The following SLC35F1 variants were observed in gnomAD, a reference collection of about 807,000 sequenced individuals.
SLC35F1 encodes chromosome 6 open reading frame 169.
A neutral mutation model predicts 48.7 loss-of-function variants in SLC35F1; 14 were observed. The ratio of observed to expected loss-of-function variants is 0.29; its 90% CI spans 0.19 to 0.45. SLC35F1 has a LOEUF of 0.45. Ranked by LOEUF, SLC35F1 falls within the 20% of genes least tolerant of loss-of-function variation. The pLI, the probability that SLC35F1 is intolerant of heterozygous loss-of-function variation, is 1.00. For missense variants in SLC35F1, 404 were observed against 500.0 expected (o/e 0.81, Z 1.83); for synonymous variants, 190 against 202.2 (o/e 0.94, Z 0.51).
rs1775707343 is a variant in SLC35F1, at chr6:117,907,710, C to G, written c.-17C>G. 6.8e-7 allele frequency: 1 copy of G among 1,469,290 alleles called. No individual in the cohort carries two copies. Among genetic ancestry groups the G allele is most frequent in the African/African-American group, 1.5e-5 (1 of 68,578 alleles). 91.0% of individuals were successfully genotyped at this position (1,469,290 alleles called of 1,614,324 possible). A position where few individuals can be genotyped will look rare whatever the true frequency, so the allele number is the denominator to read the frequency against. ...CGGCTGCGTTCTGATCGCCGCCGCGCCTCAGCCTCTGCCGCGATGATCCCC... is the reference window on the plus strand; with the variant it reads ...CGGCTGCGTTCTGATCGCCGCCGCGGCTCAGCCTCTGCCGCGATGATCCCC... On this transcript the variant is annotated 5_prime_UTR_variant, in exon 1 of 8. Transcript: ENST00000360388.
At chr6:118,123,101 C>CTT (rs10667361) in intron 1 of SLC35F1, among the ~76,000 whole-genome samples, 33,518 of 151,502 alleles carry the variant, frequency 0.22, 4,110 homozygotes, top group East Asian at 0.39. Context: ...CTCAAAAGCC[C>CTT]TTTTTTTTGT....
chr6:118,052,289 T>G (rs1369238068), intron 1 of SLC35F1, among the ~76,000 whole-genome samples: 1 of 152,132 alleles, frequency 6.6e-6, no homozygotes, highest in Admixed American at 6.5e-5. Context: ...ACATACAATC[T>G]CAAACCACTA....
intron 1 of SLC35F1, among the ~76,000 whole-genome samples, chr6:117,957,020 G>A (rs751385766): frequency 1.8e-4 from 28 of 152,256 alleles, no homozygotes; most frequent in Non-Finnish European, 2.9e-4. Flanking sequence ...CTTCCTTCCT[G>A]GCCCTGGGAG....
chr6:118,012,861 AT>A (rs2114877677), intron 1 of SLC35F1, among the ~76,000 whole-genome samples: 1 of 152,260 alleles, frequency 6.6e-6, no homozygotes, highest in East Asian at 1.9e-4. Context: ...TCCAAGCAAC[AT>A]CTTTTGCCAA....
intron 1 of SLC35F1, among the ~76,000 whole-genome samples, chr6:118,039,409 G>A (rs1428097190): frequency 1.3e-5 from 2 of 151,858 alleles, no homozygotes; most frequent in Non-Finnish European, 2.9e-5. Context: ...AATCTGAGAC[G>A]TGCTTAGCTA....
At chr6:117,966,996 G>A (rs1279617179) in intron 1 of SLC35F1, among the ~76,000 whole-genome samples, 5 of 152,060 alleles carry the variant, frequency 3.3e-5, no homozygotes, top group Non-Finnish European at 2.9e-5. Context: ...TTTTTGATTT[G>A]TTTCAGCTTG....
rs1382255248 is a variant in SLC35F1, at chr6:117,923,665, A to ATGTACATATG, written c.173+15767_173+15768insGTACATATGT. 9.3e-4 allele frequency among the ~76,000 whole-genome samples: 49 copies of ATGTACATATG among 52,626 alleles called. 9 individuals are homozygous for ATGTACATATG. Among genetic ancestry groups the ATGTACATATG allele is most frequent in the Middle Eastern group, 0.028 (1 of 36 alleles). The allele number at this position is 52,626 out of a possible 152,430, so 34.5% of individuals were successfully genotyped here. On this transcript the variant is annotated intron_variant, in intron 1 of 7. Transcript: ENST00000360388. ...TATGTACATATGTACATATGTATAT[A>ATGTACATATG]TACATATATGTACATATATACATAT... is the stretch of plus-strand genomic sequence containing the variant.
At chr6:118,264,087 A>C (rs1334940179) in intron 3 of SLC35F1, among the ~76,000 whole-genome samples, 2 of 152,234 alleles carry the variant, frequency 1.3e-5, no homozygotes, top group Admixed American at 6.5e-5. Flanking sequence ...TCAACTATTA[A>C]ATACAAGGGT....
In SLC35F1 at chr6:117,999,584, A is replaced by T. The variant is rs577012532; in HGVS notation, c.173+91685A>T. ...CTGAGGCAGGAAAAAAAAAAAAAAG[A>T]AATACCTAAAATCAGAGCAGAACTG... On this transcript the variant is annotated intron_variant, in intron 1 of 7. Coordinates refer to ENST00000360388, the MANE Select transcript of SLC35F1 (RefSeq NM_001029858.4). 402 of 634,198 alleles carry T rather than the reference A, an allele frequency of 6.3e-4. 4 individuals carry two copies. In the South Asian group the frequency reaches 0.011, roughly 17 times the overall value. The allele number at this position is 634,198 out of a possible 1,614,324, so 39.3% of individuals were successfully genotyped here. A position where few individuals can be genotyped will look rare whatever the true frequency, so the allele number is the denominator to read the frequency against.
intron 1 of SLC35F1, among the ~76,000 whole-genome samples, chr6:117,962,508 G>A (rs377723952): frequency 1.1e-4 from 17 of 152,080 alleles, no homozygotes; most frequent in African/African-American, 3.4e-4. Flanking sequence ...TTTTGATTCC[G>A]TCTTCTTTGA....
chr6:118,116,040 G>T (rs1773471902), intron 1 of SLC35F1, among the ~76,000 whole-genome samples: 1 of 152,150 alleles, frequency 6.6e-6, no homozygotes, highest in Admixed American at 6.6e-5. Flanking sequence ...ATTCAAATAT[G>T]TGAGATAGAC....
intron 1 of SLC35F1, among the ~76,000 whole-genome samples, chr6:118,134,320 T>C (rs1562300291): frequency 6.6e-6 from 1 of 152,212 alleles, no homozygotes; most frequent in Non-Finnish European, 1.5e-5. Context: ...ATCTCATTGC[T>C]TACTATGAAA....
chr6:117,940,918 G>C (rs1776223413), intron 1 of SLC35F1, among the ~76,000 whole-genome samples: 3 of 152,102 alleles, frequency 2.0e-5, no homozygotes, highest in African/African-American at 7.2e-5. Context: ...CAAAATGTTA[G>C]GATTACAGGT....
chr6:118,029,972 A>G (rs564295789), intron 1 of SLC35F1, among the ~76,000 whole-genome samples: 2 of 152,320 alleles, frequency 1.3e-5, no homozygotes, highest in Admixed American at 1.3e-4. Context: ...ATGTCAGTAA[A>G]CTTTATCCTG....
intron 1 of SLC35F1, among the ~76,000 whole-genome samples, chr6:117,923,488 A>T (rs556824001): frequency 2.3e-3 from 92 of 39,178 alleles, no homozygotes; most frequent in African/African-American, 9.9e-3. Context: ...ACATGTATAT[A>T]TATATAAAAT....
intron 1 of SLC35F1, among the ~76,000 whole-genome samples, chr6:117,955,628 T>C (rs1776418533): frequency 6.6e-6 from 1 of 152,164 alleles, no homozygotes; most frequent in Admixed American, 6.5e-5. Context: ...ATCTCACCAC[T>C]TCACCAGAGA....
chr6:118,113,582 G>A (rs138462084), intron 1 of SLC35F1, among the ~76,000 whole-genome samples: 147 of 152,260 alleles, frequency 9.7e-4, no homozygotes, highest in African/African-American at 3.4e-3. Context: ...GTAAGGAAAT[G>A]GAGAAAGATA....
intron 6 of SLC35F1, among the ~76,000 whole-genome samples, chr6:118,283,112 C>T (rs1776003415): frequency 6.6e-6 from 1 of 152,194 alleles, no homozygotes; most frequent in Non-Finnish European, 1.5e-5. Flanking sequence ...TTTCCAGCTT[C>T]CTCTGCCCGT....
rs147873569 is a variant in SLC35F1 at position 118,041,957 on chromosome 6, G to C, written c.174-112488G>C. Among the ~76,000 whole-genome samples the C allele has an allele frequency of 3.2e-4, 47 of 147,774 alleles. No individual in the cohort carries two copies. The East Asian group carries it at 9.2e-3, about 29-fold the overall frequency. ...AGACCATCTTCTTTAAAAAAAAAAA[G>C]CATCATCTGTACTTAAACTTTTATG... On this transcript the variant is annotated intron_variant, in intron 1 of 7. Coordinates refer to ENST00000360388, the MANE Select transcript of SLC35F1 (RefSeq NM_001029858.4).
Sources: gnomAD v4.1 joint callset for allele counts (sites outside exome capture counted in the v4.1 genomes callset) on GRCh38, gnomAD v4.1.1 for gene constraint, MANE v1.5 for transcripts, NCBI Gene and HGNC (gene_info 2026-07-23, HGNC 2026-07-21) for gene names.